The following NLGN1 variants were observed in gnomAD, a reference collection of about 807,000 sequenced individuals.
The protein encoded by NLGN1 is neuroligin-1.
A neutral mutation model predicts 65.5 loss-of-function variants in NLGN1; 12 were observed. The observed-to-expected ratio is 0.18, with a 90% CI of 0.12 to 0.30. NLGN1 has a LOEUF of 0.30. NLGN1 is among the 10% of genes least tolerant of loss of function. The pLI is 1.00. For synonymous variants in NLGN1, 350 were observed against 359.5 expected, an observed-to-expected ratio of 0.97 and a Z score of 0.30; for missense variants, 750 against 1,007.1, an observed-to-expected ratio of 0.74 and a Z score of 3.46.
intron 3 of NLGN1, among the ~76,000 whole-genome samples, chr3:173,733,529 A>T (rs1364132422): frequency 6.6e-6 from 1 of 152,114 alleles, no homozygotes. Context: ...CTGGGTGGTG[A>T]AAGTGGAAGA....
intron 4 of NLGN1, among the ~76,000 whole-genome samples, chr3:173,923,706 G>C (rs1465158830): frequency 6.6e-6 from 1 of 151,998 alleles, no homozygotes; most frequent in African/African-American, 2.4e-5. Context: ...ATTAAGTAAA[G>C]AAAATATTTA....
intron 2 of NLGN1, among the ~76,000 whole-genome samples, chr3:173,454,173 TA>T (rs1160718693): frequency 6.6e-6 from 1 of 152,180 alleles, no homozygotes; most frequent in Non-Finnish European, 1.5e-5. Flanking sequence ...ACAGTGGGCT[TA>T]AAATATTCAG....
chr3:173,606,307 T>C (rs1246034713), intron 3 of NLGN1, among the ~76,000 whole-genome samples: 1 of 152,040 alleles, frequency 6.6e-6, no homozygotes, highest in Non-Finnish European at 1.5e-5. Context: ...TCTAGCCAGA[T>C]TGAGCAAATG....
chr3:173,812,797 T>A (rs145039952), intron 4 of NLGN1, among the ~76,000 whole-genome samples: 4,366 of 145,474 alleles, frequency 0.03, 176 homozygotes, highest in East Asian at 0.17. Flanking sequence ...ATATGTATTT[T>A]TATATATATA....
At chr3:173,450,247 G>T (rs1326867191) in intron 2 of NLGN1, among the ~76,000 whole-genome samples, 1 of 152,064 alleles carries the variant, frequency 6.6e-6, no homozygotes, top group South Asian at 2.1e-4. Flanking sequence ...AGCTCTTTTA[G>T]GGCAGGCCTG....
chr3:173,497,117 C>T (rs900191179), intron 2 of NLGN1, among the ~76,000 whole-genome samples: 2 of 151,946 alleles, frequency 1.3e-5, no homozygotes, highest in African/African-American at 4.9e-5. Flanking sequence ...GGTGCGGTGG[C>T]TCACGCCTGC....
At chr3:173,767,257 C>G (rs1314613404) in intron 3 of NLGN1, among the ~76,000 whole-genome samples, 3 of 152,028 alleles carry the variant, frequency 2.0e-5, no homozygotes, top group Non-Finnish European at 4.4e-5. Flanking sequence ...ATTTCTTATA[C>G]TTGATGACCA....
At chr3:173,410,824 A>G (rs561240057) in intron 1 of NLGN1, among the ~76,000 whole-genome samples, 2 of 152,316 alleles carry the variant, frequency 1.3e-5, no homozygotes, top group Non-Finnish European at 2.9e-5. Context: ...TCCCAAAGTT[A>G]TTTTCTGCAT....
intron 4 of NLGN1, among the ~76,000 whole-genome samples, chr3:173,821,970 A>G (rs1444881150): frequency 6.6e-6 from 1 of 152,142 alleles, no homozygotes; most frequent in Non-Finnish European, 1.5e-5. Context: ...AAGGCAAATA[A>G]TTCTCAAAAT....
intron 3 of NLGN1, among the ~76,000 whole-genome samples, chr3:173,625,252 A>G (rs546313321): frequency 5.9e-5 from 9 of 152,090 alleles, no homozygotes; most frequent in African/African-American, 2.2e-4. Context: ...ATCTAGGGAA[A>G]TTTTTCATGA....
At chr3:173,793,768 A>G (rs1255852566) in intron 3 of NLGN1, among the ~76,000 whole-genome samples, 1 of 152,110 alleles carries the variant, frequency 6.6e-6, no homozygotes, top group Non-Finnish European at 1.5e-5. Context: ...TGAGAGCATA[A>G]TGCAGGCTTC....
At chr3:174,009,092 C>G (rs1211717975) in intron 4 of NLGN1, among the ~76,000 whole-genome samples, 1 of 152,142 alleles carries the variant, frequency 6.6e-6, no homozygotes, top group Non-Finnish European at 1.5e-5. Context: ...AACATGGTGT[C>G]TGGTGAGGAC....
the NLGN1 span, among the ~76,000 whole-genome samples, chr3:174,292,148 A>G: frequency 6.6e-6 from 1 of 151,406 alleles, no homozygotes; most frequent in Middle Eastern, 3.4e-3. Context: ...GTAAAAACCC[A>G]CCTTATTGTT....
chr3:173,838,147 T>C (rs1724023619), intron 4 of NLGN1, among the ~76,000 whole-genome samples: 1 of 152,064 alleles, frequency 6.6e-6, no homozygotes, highest in South Asian at 2.1e-4. Flanking sequence ...CTGATTAACT[T>C]GAGCATTTGT....
At chr3:174,225,561 C>G (rs1217031363) in intron 4 of NLGN1, among the ~76,000 whole-genome samples, 1 of 152,120 alleles carries the variant, frequency 6.6e-6, no homozygotes, top group African/African-American at 2.4e-5. Context: ...GAAACCCCAT[C>G]TCTACTAAAA....
chr3:173,437,244 C>G (rs1435173226), intron 2 of NLGN1, among the ~76,000 whole-genome samples: 1 of 152,170 alleles, frequency 6.6e-6, no homozygotes, highest in Non-Finnish European at 1.5e-5. Context: ...TTAATTATCA[C>G]AGCTAGATGT....
At chr3:173,683,826 T>C (rs1174419340) in intron 3 of NLGN1, among the ~76,000 whole-genome samples, 1 of 152,140 alleles carries the variant, frequency 6.6e-6, no homozygotes, top group East Asian at 1.9e-4. Context: ...GTAAACATCA[T>C]TTCAACCCAA....
intron 2 of NLGN1, among the ~76,000 whole-genome samples, chr3:173,442,163 C>G (rs959431583): frequency 2.0e-5 from 3 of 152,036 alleles, no homozygotes; most frequent in African/African-American, 7.2e-5. Flanking sequence ...ATCTGTTACG[C>G]AGTTTTCAAT....
intron 2 of NLGN1, among the ~76,000 whole-genome samples, chr3:173,552,903 G>A (rs1741116934): frequency 6.6e-6 from 1 of 152,290 alleles, no homozygotes; most frequent in African/African-American, 2.4e-5. Flanking sequence ...CTTGAAATCT[G>A]TATGAGAAAT....
Sources: allele counts gnomAD v4.1 joint callset (sites outside exome capture counted in the v4.1 genomes callset), GRCh38; gene constraint gnomAD v4.1.1; transcripts MANE v1.5; gene names NCBI Gene and HGNC (gene_info 2026-07-23, HGNC 2026-07-21).